Variants in WDR33 observed in about 807,000 individuals in gnomAD.
WDR33 encodes pre-mRNA 3' end processing protein WDR33.
A neutral mutation model predicts 164.9 loss-of-function variants in WDR33; 47 were observed. The observed-to-expected ratio is 0.29, with a 90% CI of 0.23 to 0.36. The LOEUF is 0.36. Ranked by LOEUF, WDR33 falls within the 10% of genes least tolerant of loss-of-function variation. WDR33 has a pLI of 1.00. For synonymous variants in WDR33, 505 were observed against 589.0 expected (o/e 0.86, Z 2.06); for missense variants, 1,137 against 1,754.1 (o/e 0.65, Z 6.28).
chr2:127,748,519 T>C (rs1426715024), intron 7 of WDR33, among the ~76,000 whole-genome samples: 1 of 152,206 alleles, frequency 6.6e-6, no homozygotes, highest in African/African-American at 2.4e-5. Context: ...TAAAATGTTT[T>C]AAATGGCTCA....
At chr2:127,772,194 T>C (rs1273517599) in intron 1 of WDR33, among the ~76,000 whole-genome samples, 2 of 152,046 alleles carry the variant, frequency 1.3e-5, no homozygotes, top group African/African-American at 2.4e-5. Flanking sequence ...CCCAGCACTT[T>C]GGGAGGCCGA....
At chr2:127,762,830 A>G (rs1687717765) in intron 7 of WDR33, 2 of 1,331,084 alleles carry the variant, frequency 1.5e-6, no homozygotes, top group Admixed American at 6.6e-5. Context: ...AGGGGGAGGC[A>G]CTCTTGTATT....
rs1015156711 is a variant in WDR33, at chr2:127,708,041, G to A, written c.3781+636C>T. 5.9e-5 allele frequency among the ~76,000 whole-genome samples: 9 copies of A among 152,236 alleles called. No homozygotes were observed. Among genetic ancestry groups the A allele is most frequent in the Non-Finnish European group, 2.9e-5 (2 of 68,016 alleles). On this transcript the variant is annotated intron_variant, in intron 21 of 21. Coordinates refer to ENST00000322313, the MANE Select transcript of WDR33 (RefSeq NM_018383.5). The surrounding 1 kb of genome is among the most constrained non-coding windows in gnomAD (Gnocchi z 6.7). ...GAGCAGAGCACAAGCTGGGGCATGC[G>A]GGGAGCAGCCTTCCCAGAAGCTTCC...
chr2:127,722,596 G>A lies in WDR33; in HGVS notation c.1513C>T (p.Gln505Ter). 2 of 1,613,146 alleles carry A rather than the reference G, an allele frequency of 1.2e-6. No homozygotes were observed. The highest frequency in any genetic ancestry group is 8.5e-7 in the Non-Finnish European group (1 of 1,179,730). Residue 505 changes from glutamine (Q) to a stop codon, truncating the protein, a stop_gained, in exon 14 of 22, where the codon CAG (glutamine) becomes TAG (stop). Transcript: ENST00000322313. LOFTEE classifies it high-confidence loss of function. The surrounding 1 kb of genome is among the most constrained non-coding windows in gnomAD (Gnocchi z 5.1). ...GTGGAGTCACTTTTACTTACCTGCT[G>A]GAACTGAGCAGGAATGGGTTTTGCA... The part of the protein sequence containing the change: ...PYAKPIPAQF[Q>*]QAWMQNKVPI...
At chr2:127,804,599 T>G (rs1689368085) in intron 1 of WDR33, among the ~76,000 whole-genome samples, 1 of 152,156 alleles carries the variant, frequency 6.6e-6, no homozygotes, top group Non-Finnish European at 1.5e-5. Context: ...TGACAAAATG[T>G]TAAAAATGGG....
At chr2:127,768,104 T>C (rs1245482794) in intron 4 of WDR33, 85 bp downstream of exon 4, 2 of 771,568 alleles carry the variant, frequency 2.6e-6, no homozygotes, top group East Asian at 3.3e-5. Flanking sequence ...TTTAAAATAA[T>C]GTTTAATTTT....
intron 7 of WDR33, among the ~76,000 whole-genome samples, chr2:127,748,311 CTG>C (rs1558935491): frequency 6.6e-6 from 1 of 152,188 alleles, no homozygotes; most frequent in East Asian, 1.9e-4. Flanking sequence ...TAAATCCAAC[CTG>C]CTCTATGACA....
intron 7 of WDR33, among the ~76,000 whole-genome samples, chr2:127,754,583 ATTT>A (rs764744041): frequency 1.7e-5 from 2 of 118,980 alleles, no homozygotes; most frequent in Non-Finnish European, 3.6e-5. Flanking sequence ...CATGTTTTTC[ATTT>A]TTTTTTTTTT....
chr2:127,706,991 C>A lies in WDR33; in HGVS notation c.3782-439G>T, dbSNP rs141088455. Among the ~76,000 whole-genome samples, 11 of 152,362 alleles carry A rather than the reference C, an allele frequency of 7.2e-5. No homozygotes were observed. Among genetic ancestry groups the A allele is most frequent in the African/African-American group, 2.2e-4 (9 of 41,596 alleles). ...TTAATAAAAAGTGCTCCAACTAGGACAAGCGTTCACTGGGACTGTCCCGTG... is the reference window on the plus strand; with the variant it reads ...TTAATAAAAAGTGCTCCAACTAGGAAAAGCGTTCACTGGGACTGTCCCGTG... On this transcript the variant is annotated intron_variant, in intron 21 of 21. Transcript: ENST00000322313. The surrounding 1 kb of genome is among the most constrained non-coding windows in gnomAD (Gnocchi z 5.1).
chr2:127,742,546 G>GA (rs963435361), intron 7 of WDR33, among the ~76,000 whole-genome samples: 5 of 140,026 alleles, frequency 3.6e-5, no homozygotes, highest in South Asian at 4.5e-4. Flanking sequence ...AAAAAGGGAA[G>GA]AAAAAATCAC....
At chr2:127,772,394 A>G (rs1485063736) in intron 1 of WDR33, among the ~76,000 whole-genome samples, 1 of 151,890 alleles carries the variant, frequency 6.6e-6, no homozygotes, top group East Asian at 1.9e-4. Flanking sequence ...GGCCAAAATC[A>G]CCTCACTGCA....
chr2:127,771,572 T>G (rs925888608), intron 1 of WDR33, among the ~76,000 whole-genome samples: 11 of 151,306 alleles, frequency 7.3e-5, no homozygotes, highest in Non-Finnish European at 1.6e-4. Flanking sequence ...AGGCCAGGAG[T>G]TTAAGATCAG....
chr2:127,737,872 T>G, intron 7 of WDR33: 1 of 1,432,530 alleles, frequency 7.0e-7, no homozygotes, highest in East Asian at 2.6e-5. Flanking sequence ...CGTGTCAAAG[T>G]AGAAGAGTAG....
At chr2:127,796,409 T>C (rs1164958998) in intron 1 of WDR33, among the ~76,000 whole-genome samples, 3 of 151,870 alleles carry the variant, frequency 2.0e-5, no homozygotes, top group Non-Finnish European at 4.4e-5. Flanking sequence ...AGCACTACTG[T>C]GGTTAAGGAA....
chr2:127,709,974 CAAAAT>C lies in WDR33; in HGVS notation c.3309-123_3309-119del. The C allele has an allele frequency of 1.6e-6, 2 of 1,278,706 alleles. No homozygotes were observed. The highest frequency in any genetic ancestry group is 2.3e-5 in the East Asian group (1 of 42,762). The allele number at this position is 1,278,706 out of a possible 1,614,324, so 79.2% of individuals were successfully genotyped here. A position where few individuals can be genotyped will look rare whatever the true frequency, so the allele number is the denominator to read the frequency against. ...GATACAATGTTAATTGGGAGGAAAA[CAAAAT>C]AAAACTATATATTTTTGAAAGGATA... On this transcript the variant is annotated intron_variant, in intron 18 of 21. Coordinates refer to ENST00000322313, the MANE Select transcript of WDR33 (RefSeq NM_018383.5). The surrounding 1 kb of genome is among the most constrained non-coding windows in gnomAD (Gnocchi z 5.0).
At chr2:127,711,780 A>ATATATATATATATATATATATATATATT in intron 18 of WDR33, among the ~76,000 whole-genome samples, 8 of 88,308 alleles carry the variant, frequency 9.1e-5, no homozygotes, top group African/African-American at 3.9e-4. Context: ...ATATATATAT[A>ATATATATATATATATATATATATATATT]TTTTTTTTTT....
intron 1 of WDR33, among the ~76,000 whole-genome samples, chr2:127,810,490 C>A (rs571205331): frequency 7.3e-4 from 111 of 152,322 alleles, no homozygotes; most frequent in African/African-American, 2.7e-3. Context: ...CTAGCACAAA[C>A]CAAATAGAAA....
Position 127,718,570 on chromosome 2 carries a change from G to T in WDR33, c.2760+695C>A, listed in dbSNP as rs1164103393. ...GCTCAGCGCATGAGCAATAAAAATT[G>T]GCTAACAAAAACAGAATCCTCAAAG... On this transcript the variant is annotated intron_variant, in intron 16 of 21. Transcript: ENST00000322313. The surrounding 1 kb of genome is among the most constrained non-coding windows in gnomAD (Gnocchi z 4.4). 1.3e-5 allele frequency among the ~76,000 whole-genome samples: 2 copies of T among 152,086 alleles called. No individual in the cohort carries two copies. Among genetic ancestry groups the T allele is most frequent in the African/African-American group, 4.8e-5 (2 of 41,412 alleles).
chr2:127,701,519 CT>C lies in WDR33; in HGVS notation c.*4803del. The C allele has an allele frequency of 1.5e-6, 2 of 1,305,550 alleles. No individual in the cohort carries two copies. Among genetic ancestry groups the C allele is most frequent in the South Asian group, 2.4e-5 (1 of 42,372 alleles). 80.9% of individuals were successfully genotyped at this position (1,305,550 alleles called of 1,614,324 possible). ...CGCAGCTTTTCCTTTCTGCCACCGCCTTGTCCAAGATGGCGGACCTCCACCG... is the reference window on the plus strand; with the variant it reads ...CGCAGCTTTTCCTTTCTGCCACCGCCTGTCCAAGATGGCGGACCTCCACCG... On this transcript the variant is annotated 3_prime_UTR_variant, in exon 22 of 22. Coordinates refer to ENST00000322313, the MANE Select transcript of WDR33 (RefSeq NM_018383.5).
Sources: gnomAD v4.1 joint callset for allele counts (sites outside exome capture counted in the v4.1 genomes callset) on GRCh38, gnomAD v4.1.1 for gene constraint, Gnocchi (gnomAD v3.1) non-coding constraint, MANE v1.5 for transcripts, NCBI Gene and HGNC (gene_info 2026-07-23, HGNC 2026-07-21) for gene names.